NRG1: variants seen among roughly 807,000 people sequenced by gnomAD.
The protein encoded by NRG1 is neuregulin 1.
In NRG1, 18 loss-of-function variants were observed where a neutral mutation model predicts 63.8. The observed-to-expected ratio is 0.28, with a 90% CI of 0.19 to 0.42. The LOEUF is 0.42. NRG1 is among the 10% of genes least tolerant of loss of function. NRG1 has a pLI of 1.00. For missense variants in NRG1, 762 were observed against 814.7 expected (o/e 0.94, Z 0.79); for synonymous variants, 302 against 301.3 (o/e 1.00, Z -0.02).
At chr8:32,414,548 T>G (rs1815588505) in intron 1 of NRG1, among the ~76,000 whole-genome samples, 1 of 152,190 alleles carries the variant, frequency 6.6e-6, no homozygotes, top group African/African-American at 2.4e-5. Context: ...TCTATAGATA[T>G]GCATCATCTC....
At chr8:32,584,832 T>C (rs1431005730) in intron 1 of NRG1, among the ~76,000 whole-genome samples, 1 of 152,246 alleles carries the variant, frequency 6.6e-6, no homozygotes, top group East Asian at 1.9e-4. Context: ...TTATATGCAC[T>C]GCTTAAAAGT....
At chr8:32,062,388 G>A (rs575526346) in intron 1 of NRG1, among the ~76,000 whole-genome samples, 6 of 152,056 alleles carry the variant, frequency 3.9e-5, no homozygotes, top group Non-Finnish European at 7.4e-5. Flanking sequence ...TTTTTCAGAC[G>A]TCAGAGTTGG....
At position 31,777,303 on chromosome 8, in the gene NRG1, C is replaced by T. The variant is rs112591727; in HGVS notation, c.37+137872C>T. Among the ~76,000 whole-genome samples the T allele has an allele frequency of 5.2e-3, 785 of 152,322 alleles. 7 individuals are homozygous for T. Among genetic ancestry groups the T allele is most frequent in the African/African-American group, 0.018 (751 of 41,576 alleles). ...AGGTAGTCTGCCAAGAACTTTTCAT[C>T]TATTAATTTGTTTAGTCTTTACAAC... On this transcript the variant is annotated intron_variant, in intron 1 of 10. Transcript: ENST00000519301.
At chr8:32,321,176 T>C (rs1225564989) in intron 1 of NRG1, among the ~76,000 whole-genome samples, 1 of 152,076 alleles carries the variant, frequency 6.6e-6, no homozygotes, top group Non-Finnish European at 1.5e-5. Context: ...GCCATATACC[T>C]CGATTGGTTG....
chr8:32,542,781 G>A (rs535647328), intron 1 of NRG1, among the ~76,000 whole-genome samples: 68 of 152,300 alleles, frequency 4.5e-4, no homozygotes, highest in East Asian at 1.9e-3. Context: ...ATTTCAAAAA[G>A]ACTCTTCTGA....
chr8:32,166,971 A>G (rs1839467092), intron 1 of NRG1, among the ~76,000 whole-genome samples: 1 of 152,190 alleles, frequency 6.6e-6, no homozygotes, highest in African/African-American at 2.4e-5. Context: ...TTGCAAGGCA[A>G]AAGTTCCCTC....
intron 7 of NRG1, among the ~76,000 whole-genome samples, chr8:32,750,456 C>A (rs1045954328): frequency 2.6e-5 from 4 of 152,030 alleles, no homozygotes; most frequent in African/African-American, 9.7e-5. Context: ...GCCAGTCAGT[C>A]TTTTTCAATG....
intron 1 of NRG1, among the ~76,000 whole-genome samples, chr8:32,405,098 T>C (rs1356770858): frequency 6.6e-6 from 1 of 152,212 alleles, no homozygotes; most frequent in African/African-American, 2.4e-5. Flanking sequence ...GATCTGAATT[T>C]GCCAGTTTGC....
chr8:32,297,781 C>G (rs1855069606), intron 1 of NRG1, among the ~76,000 whole-genome samples: 1 of 152,200 alleles, frequency 6.6e-6, no homozygotes, highest in South Asian at 2.1e-4. Context: ...CAAAGCCAGT[C>G]AATCCTAAAT....
At chr8:32,235,263 C>T (rs993035997) in intron 1 of NRG1, among the ~76,000 whole-genome samples, 11 of 145,408 alleles carry the variant, frequency 7.6e-5, no homozygotes, top group South Asian at 4.3e-4. Context: ...AAAAAAGAGC[C>T]GGGCATGAAC....
chr8:32,298,366 A>G (rs1460545434), intron 1 of NRG1, among the ~76,000 whole-genome samples: 1 of 152,182 alleles, frequency 6.6e-6, no homozygotes, highest in Non-Finnish European at 1.5e-5. Context: ...AATTCTTCCT[A>G]TTTCTGTTTG....
chr8:32,568,192 C>T (rs532051315), intron 1 of NRG1, among the ~76,000 whole-genome samples: 1 of 152,346 alleles, frequency 6.6e-6, no homozygotes, highest in South Asian at 2.1e-4. Flanking sequence ...CTCATTCTCT[C>T]TTGACAGTTG....
intron 1 of NRG1, among the ~76,000 whole-genome samples, chr8:31,917,498 C>G (rs1833501423): frequency 6.6e-6 from 1 of 150,772 alleles, no homozygotes; most frequent in Non-Finnish European, 1.5e-5. Context: ...TCAGGTTTGT[C>G]AAAGATCAGA....
chr8:32,200,487 C>G (rs1312551217), intron 1 of NRG1, among the ~76,000 whole-genome samples: 1 of 152,104 alleles, frequency 6.6e-6, no homozygotes, highest in Non-Finnish European at 1.5e-5. Context: ...CCTCCCCACC[C>G]CACCCCTGTT....
chr8:32,612,217 T>G (rs540003340), intron 3 of NRG1, among the ~76,000 whole-genome samples: 1 of 152,186 alleles, frequency 6.6e-6, no homozygotes, highest in Non-Finnish European at 1.5e-5. Flanking sequence ...GATTTAATGC[T>G]TTTTTAAAAG....
intron 5 of NRG1, among the ~76,000 whole-genome samples, chr8:32,720,283 A>G (rs1379950262): frequency 2.0e-5 from 3 of 152,144 alleles, no homozygotes; most frequent in South Asian, 4.1e-4. Flanking sequence ...TTCTACATTG[A>G]CTTGACCTTC....
At chr8:32,569,952 G>T (rs1838221584) in intron 1 of NRG1, among the ~76,000 whole-genome samples, 1 of 142,842 alleles carries the variant, frequency 7.0e-6, no homozygotes, top group African/African-American at 2.7e-5. Context: ...CTGTCTCCCA[G>T]GCTGGAGTGC....
At chr8:32,514,257 C>T (rs1235554724) in intron 1 of NRG1, among the ~76,000 whole-genome samples, 3 of 152,110 alleles carry the variant, frequency 2.0e-5, no homozygotes, top group East Asian at 3.8e-4. Flanking sequence ...TGCAGAAATG[C>T]AGTTACATTT....
intron 1 of NRG1, among the ~76,000 whole-genome samples, chr8:32,280,139 G>T (rs1852545699): frequency 1.3e-5 from 2 of 152,254 alleles, no homozygotes; most frequent in African/African-American, 4.8e-5. Flanking sequence ...AAGAGCATTT[G>T]TCTGTACAAG....
Sources: gnomAD v4.1 joint callset for allele counts (sites outside exome capture counted in the v4.1 genomes callset) on GRCh38, gnomAD v4.1.1 for gene constraint, MANE v1.5 for transcripts, NCBI Gene and HGNC (gene_info 2026-07-23, HGNC 2026-07-21) for gene names.